RASGRF2: variants seen among roughly 807,000 people sequenced by gnomAD.
The protein encoded by RASGRF2 is ras-specific guanine nucleotide-releasing factor 2.
Under a neutral mutation model 151.0 loss-of-function variants are expected in RASGRF2, and 76 were observed. That is an observed-to-expected ratio of 0.50 (90% confidence interval 0.42 to 0.61). The LOEUF (loss-of-function observed/expected upper bound fraction) is 0.61. Among genes scored for constraint, RASGRF2 ranks in the 20% least tolerant of loss-of-function variants. The probability of loss-of-function intolerance (pLI) is 0.00; values close to 1 mark genes in which losing one functional copy is unlikely to be tolerated. For missense variants in RASGRF2, 1,148 were observed against 1,564.6 expected, an observed-to-expected ratio of 0.73 and a Z score of 4.49; for synonymous variants, 504 against 566.5, an observed-to-expected ratio of 0.89 and a Z score of 1.57.
At chr5:81,002,973 T>C (rs1749125597) in intron 1 of RASGRF2, among the ~76,000 whole-genome samples, 1 of 152,216 alleles carries the variant, frequency 6.6e-6, no homozygotes, top group Admixed American at 6.5e-5. Context: ...TTTGTTCAGT[T>C]GACATGAATT....
In RASGRF2 at chr5:81,225,685, A is replaced by G. The variant is rs1483729076; in HGVS notation, c.3629A>G (p.Gln1210Arg). The G allele has an allele frequency of 6.2e-7, 1 of 1,612,140 alleles. No homozygotes were observed. The highest frequency in any genetic ancestry group is 2.2e-5 in the East Asian group (1 of 44,820). Reference protein sequence around the residue: ...YRIDHQPKVAQYLLDKDLIID... With the variant: ...YRIDHQPKVARYLLDKDLIID... ...CTTCCCCTTTTTTTTCAGGTCGCACAGTACTTGCTTGACAAAGACCTTATC... is the reference window on the plus strand; with the variant it reads ...CTTCCCCTTTTTTTTCAGGTCGCACGGTACTTGCTTGACAAAGACCTTATC... The change falls in exon 27 of 27, where the codon CAG (glutamine) becomes CGG (arginine). Residue 1210 changes from glutamine to arginine, a missense_variant. Transcript: ENST00000265080.
intron 1 of RASGRF2, among the ~76,000 whole-genome samples, chr5:80,988,835 A>G (rs1320215129): frequency 6.6e-6 from 1 of 152,256 alleles, no homozygotes; most frequent in Non-Finnish European, 1.5e-5. Context: ...GTTTGTACAT[A>G]CAAACAAAAA....
intron 2 of RASGRF2, among the ~76,000 whole-genome samples, chr5:81,062,150 C>G (rs1462226316): frequency 6.6e-6 from 1 of 152,074 alleles, no homozygotes; most frequent in Non-Finnish European, 1.5e-5. Flanking sequence ...CAAGAAGGAC[C>G]CTTTTTCATG....
intron 3 of RASGRF2, 42 bp downstream of exon 3, chr5:81,068,221 T>A (rs1224751007): frequency 1.3e-6 from 2 of 1,583,334 alleles, no homozygotes; most frequent in Non-Finnish European, 1.7e-6. Flanking sequence ...GTTTCACGTT[T>A]ACCGTCATTT....
intron 17 of RASGRF2, among the ~76,000 whole-genome samples, chr5:81,178,447 TATAAC>T (rs1223003272): frequency 1.3e-5 from 2 of 152,286 alleles, no homozygotes; most frequent in East Asian, 3.9e-4. Flanking sequence ...GTTTGAAACA[TATAAC>T]AGGAAAATAG....
At chr5:80,966,603 A>G (rs1373506117) in intron 1 of RASGRF2, among the ~76,000 whole-genome samples, 1 of 152,184 alleles carries the variant, frequency 6.6e-6, no homozygotes, top group Admixed American at 6.5e-5. Context: ...ATATGTTAGC[A>G]TTTTTGCCCA....
At chr5:81,203,284 A>T (rs931132299) in intron 19 of RASGRF2, among the ~76,000 whole-genome samples, 1 of 152,248 alleles carries the variant, frequency 6.6e-6, no homozygotes, top group African/African-American at 2.4e-5. Context: ...CTAAATAGCT[A>T]TCAGGGAAGT....
chr5:81,055,730 G>T (rs1751182353), intron 2 of RASGRF2, among the ~76,000 whole-genome samples: 1 of 152,224 alleles, frequency 6.6e-6, no homozygotes, highest in East Asian at 1.9e-4. Context: ...TGTACCTCTG[G>T]TAGAATTCGG....
chr5:80,981,311 G>T (rs1170461700), intron 1 of RASGRF2, among the ~76,000 whole-genome samples: 1 of 151,904 alleles, frequency 6.6e-6, no homozygotes, highest in African/African-American at 2.4e-5. Flanking sequence ...TCAGGTCATG[G>T]TATCATGGTT....
chr5:81,201,964 T>C (rs187596491), intron 19 of RASGRF2, among the ~76,000 whole-genome samples: 64 of 149,290 alleles, frequency 4.3e-4, no homozygotes, highest in African/African-American at 1.4e-3. Context: ...ATCACGTAGG[T>C]GGTATGACTA....
intron 17 of RASGRF2, among the ~76,000 whole-genome samples, chr5:81,179,310 T>C (rs983917506): frequency 2.0e-5 from 3 of 152,226 alleles, no homozygotes; most frequent in Non-Finnish European, 2.9e-5. Context: ...CCATTTTAAA[T>C]GTTTAGCATG....
At chr5:81,175,016 G>A (rs1754742984) in intron 17 of RASGRF2, among the ~76,000 whole-genome samples, 1 of 152,168 alleles carries the variant, frequency 6.6e-6, no homozygotes, top group Non-Finnish European at 1.5e-5. Context: ...TTGGATCCTG[G>A]CACAGGGGTG....
chr5:80,996,680 A>G (rs1410390149), intron 1 of RASGRF2, among the ~76,000 whole-genome samples: 4 of 148,202 alleles, frequency 2.7e-5, no homozygotes, highest in Non-Finnish European at 4.5e-5. Context: ...GCTCACTGCA[A>G]TCTCCACCTC....
At chr5:80,996,471 T>TTTC (rs530555928) in intron 1 of RASGRF2, among the ~76,000 whole-genome samples, 1,065 of 38,328 alleles carry the variant, frequency 0.028, 102 homozygotes, top group African/African-American at 0.063. Context: ...ATGTGTAAAG[T>TTTC]TTCTTCTTCT....
intron 17 of RASGRF2, among the ~76,000 whole-genome samples, chr5:81,148,794 G>A (rs578126186): frequency 1.9e-3 from 288 of 151,714 alleles, no homozygotes; most frequent in African/African-American, 6.7e-3. Flanking sequence ...TGCACATTGT[G>A]CACATGTACC....
chr5:81,111,269 A>T (rs573996895), intron 13 of RASGRF2, among the ~76,000 whole-genome samples: 7 of 152,156 alleles, frequency 4.6e-5, no homozygotes, highest in Non-Finnish European at 8.8e-5. Context: ...GCCGGTCCTG[A>T]AATGCTGCAG....
At chr5:81,216,039 A>C (rs1755728217) in intron 24 of RASGRF2, 84 bp downstream of exon 24, 2 of 1,238,718 alleles carry the variant, frequency 1.6e-6, no homozygotes, top group East Asian at 6.4e-5. Flanking sequence ...GTGACCTACC[A>C]CCTACTTTGC....
At chr5:80,970,911 A>C (rs1747909868) in intron 1 of RASGRF2, among the ~76,000 whole-genome samples, 1 of 152,186 alleles carries the variant, frequency 6.6e-6, no homozygotes, top group Non-Finnish European at 1.5e-5. Flanking sequence ...TAGCAGTTTT[A>C]CATCCTCACC....
intron 16 of RASGRF2, among the ~76,000 whole-genome samples, chr5:81,125,852 G>A (rs1478011141): frequency 6.6e-6 from 1 of 152,216 alleles, no homozygotes; most frequent in Non-Finnish European, 1.5e-5. Flanking sequence ...ACATGGGAAG[G>A]AGGCTGAAAC....
Sources: gnomAD v4.1 joint callset for allele counts (sites outside exome capture counted in the v4.1 genomes callset) on GRCh38, gnomAD v4.1.1 for gene constraint, MANE v1.5 for transcripts, NCBI Gene and HGNC (gene_info 2026-07-23, HGNC 2026-07-21) for gene names.